CNNM2: variants seen among roughly 807,000 people sequenced by gnomAD.
The protein encoded by CNNM2 is cyclin and CBS domain divalent metal cation transport mediator 2.
Under a neutral mutation model 66.9 loss-of-function variants are expected in CNNM2, and 12 were observed. The ratio of observed to expected loss-of-function variants is 0.18; its 90% CI spans 0.11 to 0.29. The LOEUF is 0.29. Among genes scored for constraint, CNNM2 ranks in the 10% least tolerant of loss-of-function variants. The pLI, the probability that CNNM2 is intolerant of heterozygous loss-of-function variation, is 1.00. For missense variants in CNNM2, 705 were observed against 1,167.7 expected (o/e 0.60, Z 5.77); for synonymous variants, 557 against 501.8 (o/e 1.11, Z -1.47).
At chr10:102,925,250 C>T (rs989814825) in intron 1 of CNNM2, among the ~76,000 whole-genome samples, 3 of 135,778 alleles carry the variant, frequency 2.2e-5, no homozygotes, top group Admixed American at 8.5e-5. Context: ...GAACTGAGAT[C>T]GCACCATTGC....
At chr10:103,076,723 G>T (rs2065698427) in intron 7 of CNNM2, among the ~76,000 whole-genome samples, 1 of 152,178 alleles carries the variant, frequency 6.6e-6, no homozygotes. Flanking sequence ...AGCTTTAGCT[G>T]GGAGAAACCA....
At chr10:103,058,715 T>A (rs142971217) in intron 4 of CNNM2, among the ~76,000 whole-genome samples, 95 of 152,320 alleles carry the variant, frequency 6.2e-4, no homozygotes, top group African/African-American at 2.0e-3. Context: ...CCATGGGGGT[T>A]TTACAAGTAG....
At chr10:103,057,388 G>A (rs1590475620) in intron 4 of CNNM2, among the ~76,000 whole-genome samples, 1 of 151,992 alleles carries the variant, frequency 6.6e-6, no homozygotes, top group African/African-American at 2.4e-5. Flanking sequence ...GGGCGGGGCG[G>A]GGATTGCTTG....
rs202014868 is a variant in CNNM2 at position 102,919,773 on chromosome 10, G to A, written c.1293G>A (p.Glu431=). ...TDPYNDLVKE[E]LNIIQGALEL... is the part of the protein sequence containing the mutation. ...CCTACAACGACCTCGTTAAGGAGGAGCTGAACATCATCCAAGGGGCGCTGG... is the reference window on the plus strand; with the variant it reads ...CCTACAACGACCTCGTTAAGGAGGAACTGAACATCATCCAAGGGGCGCTGG... Residue 431 remains glutamate, a synonymous_variant, in exon 1 of 8, where the codon GAG becomes GAA. Coordinates refer to ENST00000369878, the MANE Select transcript of CNNM2 (RefSeq NM_017649.5). 9.3e-6 allele frequency: 15 copies of A among 1,614,144 alleles called. No individual in the cohort carries two copies. The Admixed American group carries it at 1.7e-4, about 18-fold the overall frequency.
intron 1 of CNNM2, among the ~76,000 whole-genome samples, chr10:103,034,462 A>G (rs188553270): frequency 3.3e-5 from 5 of 152,176 alleles, no homozygotes; most frequent in Admixed American, 6.5e-5. Context: ...CTGCAGTGTT[A>G]TTTAGCACAT....
chr10:102,959,728 C>T (rs901838951), intron 1 of CNNM2, among the ~76,000 whole-genome samples: 47 of 152,148 alleles, frequency 3.1e-4, no homozygotes, highest in African/African-American at 1.1e-3. Flanking sequence ...AGGCATGCGC[C>T]ACTGCAGCTG....
At chr10:102,938,163 C>T (rs973228492) in intron 1 of CNNM2, among the ~76,000 whole-genome samples, 15 of 151,180 alleles carry the variant, frequency 9.9e-5, no homozygotes, top group Non-Finnish European at 1.5e-4. Flanking sequence ...AGGCCGGGTG[C>T]GGTGGCACGT....
At chr10:103,076,673 A>G (rs1160825549) in intron 7 of CNNM2, among the ~76,000 whole-genome samples, 1 of 152,228 alleles carries the variant, frequency 6.6e-6, no homozygotes, top group Non-Finnish European at 1.5e-5. Flanking sequence ...CAGAGTACTC[A>G]TCTTGGTCTG....
chr10:103,036,655 C>T (rs1414159782), intron 1 of CNNM2, among the ~76,000 whole-genome samples: 1 of 152,210 alleles, frequency 6.6e-6, no homozygotes. Flanking sequence ...CTGTATACCT[C>T]ACCCAGGAAA....
chr10:103,065,196 A>G (rs895955019), intron 4 of CNNM2, among the ~76,000 whole-genome samples: 3 of 152,228 alleles, frequency 2.0e-5, no homozygotes, highest in African/African-American at 7.2e-5. Context: ...TTGAGAGGCC[A>G]GGGCACACAG....
In CNNM2 at chr10:103,085,675, A is replaced by G. The variant is rs960631543; in HGVS notation, c.*8495A>G. On this transcript the variant is annotated 3_prime_UTR_variant, in exon 8 of 8. Transcript: ENST00000369878. The stretch of plus-strand genomic sequence containing the variant: ...ATTCATCATTGTGTTTTAAATTTAA[A>G]TTGGAAAACATAGATTCCTCATCCT... The G allele has an allele frequency of 3.3e-5, 5 of 152,238 alleles. No individual in the cohort carries two copies. The highest frequency in any genetic ancestry group is 1.3e-4 in the Admixed American group (2 of 15,284). 9.4% of individuals were successfully genotyped at this position (152,238 alleles called of 1,614,324 possible).
At chr10:102,941,687 G>A (rs913094071) in intron 1 of CNNM2, among the ~76,000 whole-genome samples, 1 of 152,146 alleles carries the variant, frequency 6.6e-6, no homozygotes, top group East Asian at 1.9e-4. Context: ...AGATATCCCC[G>A]CTGTGGCCAG....
intron 1 of CNNM2, among the ~76,000 whole-genome samples, chr10:103,047,477 G>A (rs139823996): frequency 1.2e-3 from 184 of 152,286 alleles, no homozygotes; most frequent in Middle Eastern, 3.4e-3. Context: ...AATAATCAGC[G>A]AAATCCAAAT....
intron 1 of CNNM2, among the ~76,000 whole-genome samples, chr10:102,923,521 T>A (rs1845734489): frequency 6.6e-6 from 1 of 152,200 alleles, no homozygotes; most frequent in Non-Finnish European, 1.5e-5. Context: ...CTGCTCTCCT[T>A]GATCCTGGTT....
intron 1 of CNNM2, among the ~76,000 whole-genome samples, chr10:103,006,458 A>G (rs1228215590): frequency 6.6e-6 from 1 of 152,006 alleles, no homozygotes; most frequent in Non-Finnish European, 1.5e-5. Flanking sequence ...CACCCGCCTC[A>G]GCCTCCCAAA....
At chr10:103,049,655 T>A in intron 1 of CNNM2, 52 bp from the exon 2 acceptor site, 1 of 1,555,560 alleles carries the variant, frequency 6.4e-7, no homozygotes, top group Non-Finnish European at 8.8e-7. Flanking sequence ...ATATAACATG[T>A]CATTCAGAAA....
At chr10:102,966,043 A>G (rs2063459111) in intron 1 of CNNM2, among the ~76,000 whole-genome samples, 1 of 152,226 alleles carries the variant, frequency 6.6e-6, no homozygotes, top group African/African-American at 2.4e-5. Flanking sequence ...GTTTAGTTGA[A>G]GTATAAGGAG....
intron 1 of CNNM2, among the ~76,000 whole-genome samples, chr10:102,951,805 A>G (rs1346083744): frequency 2.8e-5 from 4 of 140,392 alleles, no homozygotes; most frequent in Non-Finnish European, 6.3e-5. Flanking sequence ...TGCCTGGCTA[A>G]TTTTTTTTTT....
At chr10:102,981,193 T>A (rs917538902) in intron 1 of CNNM2, among the ~76,000 whole-genome samples, 2 of 151,662 alleles carry the variant, frequency 1.3e-5, no homozygotes, top group African/African-American at 2.4e-5. Context: ...CAAAAAAAAA[T>A]TTAAAAATTA....
Sources: allele counts gnomAD v4.1 joint callset (sites outside exome capture counted in the v4.1 genomes callset), GRCh38; gene constraint gnomAD v4.1.1; transcripts MANE v1.5; gene names NCBI Gene and HGNC (gene_info 2026-07-23, HGNC 2026-07-21).